Variants in ARHGAP6 observed in about 807,000 individuals in gnomAD.
The protein encoded by ARHGAP6 is rho GTPase-activating protein 6.
In ARHGAP6, 16 loss-of-function variants were observed where a neutral mutation model predicts 55.7. The observed-to-expected ratio is 0.29, with a 90% CI of 0.19 to 0.44. ARHGAP6 has a LOEUF of 0.44. ARHGAP6 is among the 20% of genes least tolerant of loss of function. The probability of loss-of-function intolerance (pLI) is 1.00; values close to 1 mark genes in which losing one functional copy is unlikely to be tolerated. For synonymous variants in ARHGAP6, 382 were observed against 360.9 expected (o/e 1.06, Z -0.66); for missense variants, 698 against 808.9 (o/e 0.86, Z 1.66).
At chrX:11,589,192 C>G (rs1165504036) in intron 1 of ARHGAP6, among the ~76,000 whole-genome samples, 1 of 107,909 alleles carries the variant, frequency 9.3e-6, no homozygotes, top group Non-Finnish European at 1.9e-5. Flanking sequence ...CAGGCGCATG[C>G]CACCACGCCC....
chrX:11,365,528 T>C (rs1350131986), intron 1 of ARHGAP6, among the ~76,000 whole-genome samples: 1 of 112,634 alleles, frequency 8.9e-6, no homozygotes, highest in African/African-American at 3.2e-5. Context: ...TATATCTTGA[T>C]TAATGCCTTA....
intron 1 of ARHGAP6, among the ~76,000 whole-genome samples, chrX:11,564,284 CTAGAATTTTTTAAAACCT>C (rs1330187376): frequency 1.8e-5 from 2 of 111,191 alleles, no homozygotes; most frequent in East Asian, 5.6e-4. Flanking sequence ...ATTTTTCCAA[CTAGAATTTTTTAAAACCT>C]TCAGAACACT....
At chrX:11,382,993 A>G (rs1006027087) in intron 1 of ARHGAP6, among the ~76,000 whole-genome samples, 4 of 112,146 alleles carry the variant, frequency 3.6e-5, no homozygotes, top group Admixed American at 9.5e-5. Context: ...TTGGTGGATG[A>G]ATACACAAAC....
chrX:11,169,740 G>A lies in ARHGAP6; in HGVS notation c.1630-56C>T, dbSNP rs1471142008. 4 of 926,494 alleles carry A rather than the reference G, an allele frequency of 4.3e-6. No individual in the cohort carries two copies. The Admixed American group carries it at 1.1e-4, about 26-fold the overall frequency. The allele number at this position is 926,494 out of a possible 1,213,427, so 76.4% of individuals were successfully genotyped here. A position where few individuals can be genotyped will look rare whatever the true frequency, so the allele number is the denominator to read the frequency against. The stretch of plus-strand genomic sequence containing the variant: ...TTATGTTTGCCTTTCAAGATACTGG[G>A]TGATTCAACAATCAATGAAACCTTT... On this transcript the variant is annotated intron_variant, in intron 8 of 12. Coordinates refer to ENST00000337414, the MANE Select transcript of ARHGAP6 (RefSeq NM_013427.3).
chrX:11,528,148 A>G (rs993524523), intron 1 of ARHGAP6, among the ~76,000 whole-genome samples: 6 of 112,052 alleles, frequency 5.4e-5, no homozygotes, highest in African/African-American at 1.9e-4. Flanking sequence ...ACATTCTTTT[A>G]TGAGCAATCG....
chrX:11,498,608 T>C (rs986023899), intron 1 of ARHGAP6, among the ~76,000 whole-genome samples: 2 of 111,506 alleles, frequency 1.8e-5, no homozygotes, highest in African/African-American at 6.5e-5. Context: ...TACCATAAGA[T>C]CTTAGGCTAC....
chrX:11,239,250 CA>C (rs1405955418), intron 2 of ARHGAP6, among the ~76,000 whole-genome samples: 6 of 110,614 alleles, frequency 5.4e-5, no homozygotes, highest in Non-Finnish European at 1.1e-4. Context: ...AAAATTATTC[CA>C]AAATTAAAAA....
intron 1 of ARHGAP6, chrX:11,427,579 T>C (rs1192060264): frequency 1.8e-5 from 16 of 909,929 alleles, no homozygotes; most frequent in Non-Finnish European, 2.1e-5. Flanking sequence ...CTCGCCGCGG[T>C]ACACCGGGTG....
At chrX:11,566,835 A>C (rs902070720) in intron 1 of ARHGAP6, among the ~76,000 whole-genome samples, 1 of 112,604 alleles carries the variant, frequency 8.9e-6, no homozygotes, top group Non-Finnish European at 1.9e-5. Flanking sequence ...ACAAAACAAG[A>C]CTTTTGTTTC....
chrX:11,392,501 T>C (rs1416596809), intron 1 of ARHGAP6, among the ~76,000 whole-genome samples: 1 of 112,015 alleles, frequency 8.9e-6, no homozygotes, highest in Non-Finnish European at 1.9e-5. Flanking sequence ...GTTAGTACTA[T>C]TGGTCTTGGG....
At chrX:11,438,402 C>T (rs2050008722) in intron 1 of ARHGAP6, among the ~76,000 whole-genome samples, 1 of 112,578 alleles carries the variant, frequency 8.9e-6, no homozygotes, top group African/African-American at 3.2e-5. Context: ...TCAATCATTT[C>T]GTGAGCTCAT....
intron 1 of ARHGAP6, among the ~76,000 whole-genome samples, chrX:11,532,426 C>CT (rs1336292649): frequency 5.3e-5 from 6 of 112,234 alleles, no homozygotes; most frequent in African/African-American, 1.9e-4. Context: ...AACCTATTCC[C>CT]TCTCCACCCT....
chrX:11,299,093 A>C, intron 1 of ARHGAP6: 1 of 903,146 alleles, frequency 1.1e-6, no homozygotes, highest in Non-Finnish European at 1.6e-6. Context: ...TTACAGGTCT[A>C]TGATTCTATT....
intron 2 of ARHGAP6, among the ~76,000 whole-genome samples, chrX:11,227,906 A>C (rs779112650): frequency 1.8e-5 from 2 of 109,838 alleles, no homozygotes; most frequent in South Asian, 7.8e-4. Context: ...CAGTAACACA[A>C]GTTTTGTATT....
chrX:11,283,579 T>A (rs1181702431), intron 1 of ARHGAP6, among the ~76,000 whole-genome samples: 2 of 112,458 alleles, frequency 1.8e-5, no homozygotes, highest in Non-Finnish European at 3.8e-5. Flanking sequence ...GGATTAATGT[T>A]GCTAATCATA....
intron 8 of ARHGAP6, among the ~76,000 whole-genome samples, chrX:11,176,076 C>T (rs762931568): frequency 5.0e-5 from 5 of 100,809 alleles, no homozygotes; most frequent in Non-Finnish European, 1.0e-4. Context: ...TGGCACCTCC[C>T]CTAGAGTTGT....
At chrX:11,427,642 C>A in intron 1 of ARHGAP6, 1 of 863,428 alleles carries the variant, frequency 1.2e-6, no homozygotes, top group Non-Finnish European at 1.4e-6. Flanking sequence ...CCTGGGGTCA[C>A]GGTGTCTCTC....
intron 1 of ARHGAP6, among the ~76,000 whole-genome samples, chrX:11,416,235 A>G (rs1205890834): frequency 9.0e-6 from 1 of 111,493 alleles, no homozygotes; most frequent in African/African-American, 3.3e-5. Flanking sequence ...GATGTTTGCA[A>G]TGGGTGATAC....
At chrX:11,300,073 G>A (rs1454021465) in intron 1 of ARHGAP6, among the ~76,000 whole-genome samples, 3 of 111,455 alleles carry the variant, frequency 2.7e-5, no homozygotes, top group Non-Finnish European at 3.8e-5. Context: ...CCAAGTAATC[G>A]GTGCCTATCA....
Sources: allele counts gnomAD v4.1 joint callset (sites outside exome capture counted in the v4.1 genomes callset), GRCh38; gene constraint gnomAD v4.1.1; transcripts MANE v1.5; gene names NCBI Gene and HGNC (gene_info 2026-07-23, HGNC 2026-07-21).